Variants in JARID2 observed in about 807,000 individuals in gnomAD.
The protein encoded by JARID2 is jumonji and AT-rich interaction domain containing 2.
In JARID2, 21 loss-of-function variants were observed where a neutral mutation model predicts 125.6. That is an observed-to-expected ratio of 0.17 (90% CI 0.12 to 0.24). The LOEUF (loss-of-function observed/expected upper bound fraction) is 0.24. JARID2 is among the 10% of genes least tolerant of loss of function. JARID2 has a pLI of 1.00. For missense variants in JARID2, 1,303 were observed against 1,639.6 expected (o/e 0.79, Z 3.55); for synonymous variants, 736 against 661.6 (o/e 1.11, Z -1.73).
At position 15,501,126 on chromosome 6, in the gene JARID2, A is replaced by C. The variant is rs1266216429; in HGVS notation, c.2165A>C (p.Glu722Ala). The C allele has an allele frequency of 6.2e-7, 1 of 1,614,040 alleles. No homozygotes were observed. Among genetic ancestry groups the C allele is most frequent in the East Asian group, 2.2e-5 (1 of 44,864 alleles). ...GAGGAGCACCGGCGGCTGGAGAAGG[A>C]GGTGCTGATGGAGAAGGAGATCCTG... is the stretch of plus-strand genomic sequence containing the variant. Reference protein sequence around the residue: ...SPEEHRRLEKEVLMEKEILEK... With the variant: ...SPEEHRRLEKAVLMEKEILEK... Residue 722 changes from glutamate to alanine, a missense_variant, in exon 8 of 18, where the codon GAG becomes GCG. By Grantham distance (107) the Glu-to-Ala change is moderately radical (BLOSUM62 -1). Around this residue, in one of 11 missense-constraint regions of JARID2, gnomAD observed 124 missense variants for 131.0 expected, o/e 0.95. Coordinates refer to ENST00000341776, the MANE Select transcript of JARID2 (RefSeq NM_004973.4).
At chr6:15,494,709 A>G (rs1360505851) in intron 6 of JARID2, among the ~76,000 whole-genome samples, 1 of 151,982 alleles carries the variant, frequency 6.6e-6, no homozygotes, top group African/African-American at 2.4e-5. Flanking sequence ...GTTTCATTCC[A>G]TGCCCCACCC....
intron 1 of JARID2, among the ~76,000 whole-genome samples, chr6:15,272,079 C>T (rs530392595): frequency 6.6e-5 from 10 of 152,226 alleles, no homozygotes; most frequent in African/African-American, 2.2e-4. Context: ...GAGCCAGGAT[C>T]GTGCCATTGC....
rs187169218 is a variant in JARID2, at chr6:15,392,247, G to C, written c.182-17977G>C. ...CCCTTTGGGATATTCGTTTGTATAC[G>C]AAGTTTTCCTTACAGTTTTTAGTTT... On this transcript the variant is annotated intron_variant, in intron 2 of 17. Coordinates refer to ENST00000341776, the MANE Select transcript of JARID2 (RefSeq NM_004973.4). 4.6e-5 allele frequency among the ~76,000 whole-genome samples: 7 copies of C among 152,218 alleles called. No individual in the cohort carries two copies. In the East Asian group the frequency reaches 1.4e-3, roughly 29 times the overall value.
At chr6:15,409,931 T>C (rs932926959) in intron 2 of JARID2, among the ~76,000 whole-genome samples, 1 of 152,204 alleles carries the variant, frequency 6.6e-6, no homozygotes, top group African/African-American at 2.4e-5. Flanking sequence ...CTGCAAAAGA[T>C]GTTTATGTAC....
intron 1 of JARID2, among the ~76,000 whole-genome samples, chr6:15,262,581 G>GGAGT (rs1486094130): frequency 1.4e-5 from 2 of 142,578 alleles, no homozygotes; most frequent in Admixed American, 1.5e-4. Context: ...AGCCCAGGCT[G>GGAGT]GAGTGCAGTG....
intron 3 of JARID2, among the ~76,000 whole-genome samples, chr6:15,420,356 T>G (rs1766428593): frequency 6.8e-6 from 1 of 148,040 alleles, no homozygotes; most frequent in African/African-American, 2.5e-5. Flanking sequence ...TGAGCCAAGA[T>G]CACACCACTG....
chr6:15,248,950 C>G, intron 1 of JARID2: 1 of 985,636 alleles, frequency 1.0e-6, no homozygotes. Context: ...TCCGGAGCGT[C>G]GCGCTTCCCA....
At chr6:15,362,326 A>G (rs567236204) in intron 1 of JARID2, among the ~76,000 whole-genome samples, 65 of 152,264 alleles carry the variant, frequency 4.3e-4, no homozygotes, top group Non-Finnish European at 8.1e-4. Context: ...TGAAACAGAC[A>G]TAGCTGGTAA....
At chr6:15,326,831 A>G (rs1207660473) in intron 1 of JARID2, among the ~76,000 whole-genome samples, 3 of 152,232 alleles carry the variant, frequency 2.0e-5, no homozygotes, top group Admixed American at 6.5e-5. Flanking sequence ...TGTGAATTCT[A>G]TTTAGAGAAA....
At chr6:15,323,617 A>T (rs1762428996) in intron 1 of JARID2, among the ~76,000 whole-genome samples, 1 of 152,236 alleles carries the variant, frequency 6.6e-6, no homozygotes. Flanking sequence ...ACATTTCTTA[A>T]CATTGCCTTC....
At chr6:15,346,488 A>C (rs1763248193) in intron 1 of JARID2, among the ~76,000 whole-genome samples, 1 of 151,928 alleles carries the variant, frequency 6.6e-6, no homozygotes, top group Non-Finnish European at 1.5e-5. Flanking sequence ...CATGCTTATG[A>C]TTTTCTGGGT....
chr6:15,514,481 G>A (rs1019853548), intron 16 of JARID2, among the ~76,000 whole-genome samples: 6 of 152,162 alleles, frequency 3.9e-5, no homozygotes, highest in Admixed American at 6.5e-5. Context: ...GTGCCTCTGC[G>A]TCCCTCTGCT....
At chr6:15,340,873 A>T (rs746961558) in intron 1 of JARID2, among the ~76,000 whole-genome samples, 1 of 152,180 alleles carries the variant, frequency 6.6e-6, no homozygotes, top group Non-Finnish European at 1.5e-5. Context: ...CTATGGGATT[A>T]CGATGTTTGC....
At chr6:15,297,703 C>A (rs1761464537) in intron 1 of JARID2, among the ~76,000 whole-genome samples, 1 of 152,062 alleles carries the variant, frequency 6.6e-6, no homozygotes, top group African/African-American at 2.4e-5. Flanking sequence ...CTCACCTCAT[C>A]CTTTCCTTTA....
intron 5 of JARID2, among the ~76,000 whole-genome samples, chr6:15,472,041 T>G (rs1769100657): frequency 6.6e-6 from 1 of 152,078 alleles, no homozygotes; most frequent in African/African-American, 2.4e-5. Flanking sequence ...AATTAAAAAT[T>G]TAATGCCTGT....
At chr6:15,515,770 C>A (rs1447848490) in intron 16 of JARID2, among the ~76,000 whole-genome samples, 33 of 148,302 alleles carry the variant, frequency 2.2e-4, no homozygotes, top group African/African-American at 6.1e-4. Context: ...AAAACAAAAA[C>A]AAAAACCAGG....
At chr6:15,426,515 C>G (rs1766734503) in intron 3 of JARID2, among the ~76,000 whole-genome samples, 1 of 152,202 alleles carries the variant, frequency 6.6e-6, no homozygotes, top group African/African-American at 2.4e-5. Context: ...AATAACCTGT[C>G]TCCACACTAT....
Position 15,487,487 on chromosome 6 carries a change from C to G in JARID2, c.851C>G (p.Ala284Gly). 6.2e-7 allele frequency: 1 copy of G among 1,614,130 alleles called. No homozygotes were observed. The highest frequency in any genetic ancestry group is 1.1e-5 in the South Asian group (1 of 91,062). ...ACGGGTTCCTCGGCCAAGGGGCTTG[C>G]TGCCACCCATCACCACCCCCCTCTG... ...PSTGSSAKGLAATHHHPPLHR... is the reference protein window; with the variant it reads ...PSTGSSAKGLGATHHHPPLHR... The change falls in exon 6 of 18, where the codon GCT becomes GGT. Residue 284 changes from alanine (A) to glycine (G), a missense_variant. Around this residue, in one of 11 missense-constraint regions of JARID2, gnomAD observed 651 missense variants for 581.6 expected, o/e 1.12. Coordinates refer to ENST00000341776, the MANE Select transcript of JARID2 (RefSeq NM_004973.4).
chr6:15,431,152 A>G (rs910372550), intron 3 of JARID2, among the ~76,000 whole-genome samples: 3 of 152,094 alleles, frequency 2.0e-5, no homozygotes, highest in African/African-American at 7.2e-5. Flanking sequence ...CCTGATTATC[A>G]TTTCTTATGC....
Sources: allele counts gnomAD v4.1 joint callset (sites outside exome capture counted in the v4.1 genomes callset), GRCh38; gene constraint gnomAD v4.1.1; regional missense constraint gnomAD v4.1.1; transcripts MANE v1.5; gene names NCBI Gene and HGNC (gene_info 2026-07-23, HGNC 2026-07-21).